TNPO3: variants seen among roughly 807,000 people sequenced by gnomAD.
TNPO3 encodes transportin-3.
A neutral mutation model predicts 122.8 loss-of-function variants in TNPO3; 65 were observed. The ratio of observed to expected loss-of-function variants is 0.53; its 90% CI spans 0.43 to 0.65. The LOEUF is 0.65. Among genes scored for constraint, TNPO3 ranks in the 30% least tolerant of loss-of-function variants. The pLI, the probability that TNPO3 is intolerant of heterozygous loss-of-function variation, is 0.00. For missense variants in TNPO3, 850 were observed against 1,136.7 expected (o/e 0.75, Z 3.63); for synonymous variants, 372 against 411.2 (o/e 0.90, Z 1.15).
intron 3 of TNPO3, 55 bp downstream of exon 3, chr7:129,016,928 G>A: frequency 2.0e-6 from 3 of 1,505,404 alleles, no homozygotes; most frequent in Non-Finnish European, 2.8e-6. Context: ...AAATTTCTCT[G>A]TGTAGGTTAA....
chr7:129,005,260 A>C, intron 4 of TNPO3, 101 bp from the exon 5 acceptor site: 1 of 1,160,550 alleles, frequency 8.6e-7, no homozygotes, highest in Non-Finnish European at 1.2e-6. Flanking sequence ...GATGGCAATA[A>C]AACAGCCAAC....
chr7:128,957,184 C>G, intron 22 of TNPO3, 40 bp downstream of exon 22: 3 of 1,570,554 alleles, frequency 1.9e-6, no homozygotes, highest in Non-Finnish European at 2.6e-6. Flanking sequence ...CCCCAACAGT[C>G]CGACAGTCCG....
rs1354453663 is a variant in TNPO3, at chr7:128,955,258, G to T, written c.*159C>A. 2.2e-6 allele frequency: 1 copy of T among 452,968 alleles called. No homozygotes were observed. Among genetic ancestry groups the T allele is most frequent in the Admixed American group, 2.4e-5 (1 of 42,176 alleles). 28.1% of individuals were successfully genotyped at this position (452,968 alleles called of 1,614,324 possible). On this transcript the variant is annotated 3_prime_UTR_variant, in exon 23 of 23. Transcript: ENST00000265388. ...TCCTCAGGATGGCCTCAGAAGGCTG[G>T]AGTCTCTCCCTGTCTGGCGGGACAC...
intron 14 of TNPO3, among the ~76,000 whole-genome samples, chr7:128,981,191 T>G (rs1799589623): frequency 6.6e-6 from 1 of 152,212 alleles, no homozygotes; most frequent in Non-Finnish European, 1.5e-5. Flanking sequence ...AGGAAAACAT[T>G]GCACCAACTG....
At chr7:128,960,486 G>A (rs1373126295) in intron 21 of TNPO3, among the ~76,000 whole-genome samples, 1 of 151,872 alleles carries the variant, frequency 6.6e-6, no homozygotes, top group Admixed American at 6.6e-5. Flanking sequence ...AAAGGTGGAA[G>A]ACAGTGATAT....
At chr7:128,978,304 C>T (rs947182723) in intron 16 of TNPO3, among the ~76,000 whole-genome samples, 3 of 152,162 alleles carry the variant, frequency 2.0e-5, no homozygotes, top group African/African-American at 4.8e-5. Context: ...TATTTTTTGA[C>T]AAGAGACTTC....
chr7:129,044,573 C>T (rs567781346), intron 1 of TNPO3, among the ~76,000 whole-genome samples: 17 of 152,266 alleles, frequency 1.1e-4, no homozygotes, highest in Admixed American at 6.5e-4. Flanking sequence ...ACAAAACTAT[C>T]CCTTGTAGCA....
chr7:128,967,739 AACACACACAC>A (rs35430377), intron 20 of TNPO3, among the ~76,000 whole-genome samples: 3 of 148,320 alleles, frequency 2.0e-5, no homozygotes, highest in Non-Finnish European at 3.0e-5. Flanking sequence ...TGCGAACATG[AACACACACAC>A]ACACACACAC....
At chr7:129,015,482 T>A (rs1803736080) in intron 3 of TNPO3, among the ~76,000 whole-genome samples, 1 of 152,178 alleles carries the variant, frequency 6.6e-6, no homozygotes, top group Non-Finnish European at 1.5e-5. Context: ...ACTTATTTAT[T>A]TTAAAATGCA....
chr7:128,960,216 A>G (rs1563084707), intron 21 of TNPO3, among the ~76,000 whole-genome samples: 2 of 152,170 alleles, frequency 1.3e-5, no homozygotes. Flanking sequence ...ATATAAAAGG[A>G]CAACACAAAC....
intron 12 of TNPO3, among the ~76,000 whole-genome samples, chr7:128,986,096 C>T (rs1316791464): frequency 6.6e-6 from 1 of 152,216 alleles, no homozygotes; most frequent in Non-Finnish European, 1.5e-5. Context: ...CTATAAATGG[C>T]TGACAAGTGA....
intron 14 of TNPO3, among the ~76,000 whole-genome samples, chr7:128,981,773 G>A (rs573202129): frequency 2.8e-5 from 4 of 144,930 alleles, no homozygotes; most frequent in East Asian, 2.2e-4. Context: ...CTGTCACCCC[G>A]GCTAGAGTGC....
At chr7:129,020,108 A>C (rs978904056) in intron 1 of TNPO3, among the ~76,000 whole-genome samples, 4 of 152,018 alleles carry the variant, frequency 2.6e-5, no homozygotes, top group Non-Finnish European at 4.4e-5. Context: ...ACAGAGTAAG[A>C]CCCTGTTTTT....
chr7:129,022,096 T>G (rs1804586669), intron 1 of TNPO3, among the ~76,000 whole-genome samples: 1 of 151,846 alleles, frequency 6.6e-6, no homozygotes, highest in African/African-American at 2.4e-5. Flanking sequence ...TTCAAGAAAA[T>G]GTTCCTGGTT....
chr7:129,034,054 T>C (rs1584586617), intron 1 of TNPO3, among the ~76,000 whole-genome samples: 1 of 151,998 alleles, frequency 6.6e-6, no homozygotes, highest in African/African-American at 2.4e-5. Flanking sequence ...ACAAAATGTA[T>C]ATATATGCAG....
intron 10 of TNPO3, among the ~76,000 whole-genome samples, chr7:128,990,678 C>T (rs926816855): frequency 6.6e-6 from 1 of 152,126 alleles, no homozygotes. Context: ...ATTAAGTTGC[C>T]CCGATTTGGA....
chr7:128,993,768 T>C (rs1801004617), intron 9 of TNPO3, 39 bp downstream of exon 9: 16 of 1,520,810 alleles, frequency 1.1e-5, no homozygotes, highest in Non-Finnish European at 1.4e-5. Flanking sequence ...ACAATTAAGG[T>C]GACTAGTAAA....
rs147680926 is a variant in TNPO3 at position 129,003,912 on chromosome 7, C to T, written c.696+1104G>A. ...AGTTTGAAGTGTATTCTACACTGTC[C>T]TCCATTTATATGTAATCACATGTAC... On this transcript the variant is annotated intron_variant, in intron 5 of 22. Coordinates refer to ENST00000265388, the MANE Select transcript of TNPO3 (RefSeq NM_012470.4). 9.2e-5 allele frequency among the ~76,000 whole-genome samples: 14 copies of T among 152,268 alleles called. No homozygotes were observed. In the East Asian group the frequency reaches 1.2e-3, roughly 13 times the overall value.
chr7:128,991,283 A>G (rs776414146), intron 10 of TNPO3, among the ~76,000 whole-genome samples: 116 of 152,222 alleles, frequency 7.6e-4, no homozygotes, highest in Non-Finnish European at 1.4e-3. Flanking sequence ...AAAGGCAGCT[A>G]AGAAAGAAGC....
Sources: gnomAD v4.1 joint callset for allele counts (sites outside exome capture counted in the v4.1 genomes callset) on GRCh38, gnomAD v4.1.1 for gene constraint, MANE v1.5 for transcripts, NCBI Gene and HGNC (gene_info 2026-07-23, HGNC 2026-07-21) for gene names.